The following C8orf34 variants were observed in gnomAD, a reference collection of about 807,000 sequenced individuals.
C8orf34 encodes uncharacterized protein C8orf34.
Under a neutral mutation model 68.3 loss-of-function variants are expected in C8orf34, and 65 were observed. The ratio of observed to expected loss-of-function variants is 0.95; its 90% confidence interval spans 0.78 to 1.17. The LOEUF (loss-of-function observed/expected upper bound fraction) is 1.17, where lower values mean the gene tolerates loss of function less well. Ranked by LOEUF, C8orf34 falls within the 50% of genes most tolerant of loss-of-function variation. The probability of loss-of-function intolerance (pLI) is 0.00; values close to 1 mark genes in which losing one functional copy is unlikely to be tolerated. For missense variants in C8orf34, 664 were observed against 655.4 expected, an observed-to-expected ratio of 1.01 and a Z score of -0.14; for synonymous variants, 244 against 241.2, an observed-to-expected ratio of 1.01 and a Z score of -0.11.
rs578036666 is a variant in C8orf34 at position 68,358,438 on chromosome 8, C to A, written c.327+27099C>A. Among the ~76,000 whole-genome samples, 12 of 151,556 alleles carry A rather than the reference C, an allele frequency of 7.9e-5. No individual in the cohort carries two copies. In the South Asian group the frequency reaches 2.5e-3, roughly 32 times the overall value. On this transcript the variant is annotated intron_variant, in intron 1 of 13. Coordinates refer to ENST00000518698, the MANE Select transcript of C8orf34 (RefSeq NM_052958.4). ...TCAGGTTAAATATATACTAGATAGACCCGCACAGATGACTCAATCCCAATA... is the reference window on the plus strand; with the variant it reads ...TCAGGTTAAATATATACTAGATAGAACCGCACAGATGACTCAATCCCAATA...
At chr8:68,720,946 A>G (rs557263652) in intron 9 of C8orf34, among the ~76,000 whole-genome samples, 1 of 152,110 alleles carries the variant, frequency 6.6e-6, no homozygotes, top group Admixed American at 6.5e-5. Context: ...TCCATCTAAA[A>G]GAGAGAGCAC....
At chr8:68,569,606 C>T (rs1270570822) in intron 7 of C8orf34, among the ~76,000 whole-genome samples, 2 of 152,208 alleles carry the variant, frequency 1.3e-5, no homozygotes, top group African/African-American at 2.4e-5. Context: ...TGCTTCATAT[C>T]CTCTTCCCAA....
chr8:68,791,051 G>A (rs1823980798), intron 12 of C8orf34: 2 of 586,200 alleles, frequency 3.4e-6, no homozygotes, highest in South Asian at 2.2e-5. Context: ...GAAAAAGGAA[G>A]GCTAAAATTT....
At chr8:68,426,611 A>G (rs1225447139) in intron 1 of C8orf34, among the ~76,000 whole-genome samples, 3 of 151,788 alleles carry the variant, frequency 2.0e-5, no homozygotes, top group African/African-American at 7.3e-5. Context: ...CATATCCAAC[A>G]AAGCAGTAGT....
At chr8:68,425,553 A>T (rs985034906) in intron 1 of C8orf34, among the ~76,000 whole-genome samples, 2 of 152,164 alleles carry the variant, frequency 1.3e-5, no homozygotes, top group Non-Finnish European at 2.9e-5. Context: ...AAAATCATGT[A>T]CCAGATCTTT....
intron 7 of C8orf34, among the ~76,000 whole-genome samples, chr8:68,639,791 A>C (rs1432351244): frequency 6.6e-6 from 1 of 152,204 alleles, no homozygotes; most frequent in Non-Finnish European, 1.5e-5. Context: ...CCTTTGGAGC[A>C]TGACTATTCA....
intron 1 of C8orf34, among the ~76,000 whole-genome samples, chr8:68,398,086 C>G (rs1450390032): frequency 6.6e-6 from 1 of 152,042 alleles, no homozygotes; most frequent in Admixed American, 6.6e-5. Flanking sequence ...ATTTTATTTT[C>G]TATTGATTTG....
intron 10 of C8orf34, among the ~76,000 whole-genome samples, chr8:68,732,542 C>A (rs1822006879): frequency 6.6e-6 from 1 of 151,780 alleles, no homozygotes; most frequent in African/African-American, 2.4e-5. Context: ...CATATTGTGG[C>A]AAATAATTTT....
chr8:68,585,191 A>C (rs1158304884), intron 7 of C8orf34, among the ~76,000 whole-genome samples: 3 of 152,184 alleles, frequency 2.0e-5, no homozygotes, highest in Admixed American at 2.0e-4. Flanking sequence ...GCAAAATGTT[A>C]AAAAATTAGA....
At chr8:68,683,057 G>A (rs973632717) in intron 8 of C8orf34, among the ~76,000 whole-genome samples, 5 of 152,098 alleles carry the variant, frequency 3.3e-5, no homozygotes, top group Admixed American at 3.3e-4. Context: ...ACCCAAGTAA[G>A]CTTTTGAGTT....
chr8:68,568,036 A>G (rs1816648819), intron 7 of C8orf34, among the ~76,000 whole-genome samples: 1 of 152,048 alleles, frequency 6.6e-6, no homozygotes, highest in Non-Finnish European at 1.5e-5. Flanking sequence ...GACTGAGAAG[A>G]AGCAGAGAGA....
chr8:68,723,476 A>G (rs1349543790), intron 10 of C8orf34, among the ~76,000 whole-genome samples: 1 of 152,158 alleles, frequency 6.6e-6, no homozygotes, highest in African/African-American at 2.4e-5. Context: ...GTTCTCACAT[A>G]GAGTACAATG....
At chr8:68,739,824 AC>A (rs2129527182) in intron 10 of C8orf34, among the ~76,000 whole-genome samples, 1 of 152,264 alleles carries the variant, frequency 6.6e-6, no homozygotes, top group South Asian at 2.1e-4. Context: ...CAAAAACCCC[AC>A]AAAGCTGGAG....
intron 10 of C8orf34, among the ~76,000 whole-genome samples, chr8:68,764,581 A>G (rs1286585535): frequency 6.6e-6 from 1 of 152,124 alleles, no homozygotes; most frequent in Admixed American, 6.5e-5. Flanking sequence ...CAAGTGTAAA[A>G]TCTTGCCATG....
intron 2 of C8orf34, among the ~76,000 whole-genome samples, chr8:68,442,459 A>G (rs1810951803): frequency 6.6e-6 from 1 of 152,082 alleles, no homozygotes; most frequent in African/African-American, 2.4e-5. Context: ...TTGTGTTACT[A>G]CCTCAAGGGT....
intron 13 of C8orf34, 38 bp downstream of exon 13, chr8:68,815,983 A>G (rs1824801206): frequency 5.6e-6 from 9 of 1,613,364 alleles, no homozygotes; most frequent in Non-Finnish European, 7.6e-6. Flanking sequence ...GATGTCGGGT[A>G]ATGGCGGGTA....
chr8:68,663,574 T>A (rs1414892336), intron 8 of C8orf34, among the ~76,000 whole-genome samples: 1 of 152,180 alleles, frequency 6.6e-6, no homozygotes, highest in Non-Finnish European at 1.5e-5. Flanking sequence ...CATCAGTGCC[T>A]TGAATTTGAG....
chr8:68,617,901 C>A (rs1428841962), intron 7 of C8orf34, among the ~76,000 whole-genome samples: 1 of 152,192 alleles, frequency 6.6e-6, no homozygotes, highest in Non-Finnish European at 1.5e-5. Flanking sequence ...ATTCCATTCT[C>A]CCCGTCACTT....
intron 7 of C8orf34, among the ~76,000 whole-genome samples, chr8:68,578,774 A>G (rs1816979983): frequency 6.6e-6 from 1 of 152,044 alleles, no homozygotes; most frequent in South Asian, 2.1e-4. Flanking sequence ...AGTATATGTG[A>G]ATTTCAAACA....
Sources: allele counts gnomAD v4.1 joint callset (sites outside exome capture counted in the v4.1 genomes callset), GRCh38; gene constraint gnomAD v4.1.1; transcripts MANE v1.5; gene names NCBI Gene and HGNC (gene_info 2026-07-23, HGNC 2026-07-21).